Variants in EFCAB5 observed in about 807,000 individuals in gnomAD.
EFCAB5 encodes the protein EF-hand calcium binding domain 5.
EFCAB5 carries 131 observed loss-of-function variants against 167.9 expected under a neutral mutation model. That is an observed-to-expected ratio of 0.78 (90% confidence interval 0.68 to 0.90). The LOEUF (loss-of-function observed/expected upper bound fraction) is 0.90. Among genes scored for constraint, EFCAB5 ranks in the 40% least tolerant of loss-of-function variants. The probability of loss-of-function intolerance (pLI) is 0.00; values close to 1 mark genes in which losing one functional copy is unlikely to be tolerated. For missense variants in EFCAB5, 1,663 were observed against 1,745.2 expected, an observed-to-expected ratio of 0.95 and a Z score of 0.84; for synonymous variants, 574 against 602.8, an observed-to-expected ratio of 0.95 and a Z score of 0.70.
chr17:30,092,222 A>C, intron 21 of EFCAB5, 65 bp downstream of exon 21: 1 of 1,480,460 alleles, frequency 6.8e-7, no homozygotes, highest in Non-Finnish European at 9.1e-7. Context: ...TAACTGTACA[A>C]ATCATAATTG....
At chr17:29,986,636 C>CTTTTTT (rs1196821046) in intron 4 of EFCAB5, among the ~76,000 whole-genome samples, 20 of 87,936 alleles carry the variant, frequency 2.3e-4, no homozygotes, top group African/African-American at 1.0e-3. Context: ...GGAGTATATT[C>CTTTTTT]ATTTTTTTTT....
intron 8 of EFCAB5, among the ~76,000 whole-genome samples, chr17:30,038,866 T>C (rs1361748143): frequency 1.3e-5 from 2 of 152,222 alleles, no homozygotes; most frequent in African/African-American, 2.4e-5. Flanking sequence ...CATATGGGGA[T>C]ACATTCTCCT....
intron 12 of EFCAB5, among the ~76,000 whole-genome samples, chr17:30,057,181 G>T (rs2070294773): frequency 6.6e-6 from 1 of 152,080 alleles, no homozygotes; most frequent in African/African-American, 2.4e-5. Flanking sequence ...AGATTCAAAG[G>T]CTCAACAATA....
Position 29,952,303 on chromosome 17 carries a change from T to G in EFCAB5, c.190+8654T>G, listed in dbSNP as rs145080337. Among the ~76,000 whole-genome samples the G allele has an allele frequency of 3.1e-3, 470 of 152,340 alleles. 3 individuals are homozygous for G. Among genetic ancestry groups the G allele is most frequent in the Middle Eastern group, 0.02 (6 of 294 alleles). On this transcript the variant is annotated intron_variant, in intron 3 of 22. Coordinates refer to ENST00000394835, the MANE Select transcript of EFCAB5 (RefSeq NM_198529.4). The stretch of plus-strand genomic sequence containing the variant: ...AATCACTTCCCTAAAGGTACCACCT[T>G]TTAATACTATCACATTGGGTCTTAG...
intron 14 of EFCAB5, chr17:30,073,713 TGTATA>T: frequency 1.4e-6 from 1 of 714,068 alleles, no homozygotes; most frequent in Admixed American, 2.0e-5. Context: ...AAATTTTAAG[TGTATA>T]TTTGCTGAGT....
At chr17:30,015,759 C>CTTTTT (rs71138866) in intron 7 of EFCAB5, among the ~76,000 whole-genome samples, 5 of 130,566 alleles carry the variant, frequency 3.8e-5, no homozygotes, top group African/African-American at 5.7e-5. Flanking sequence ...TTGGTTATTT[C>CTTTTT]TTTTTTTTTT....
chr17:30,031,196 T>A (rs1324484665), intron 7 of EFCAB5, among the ~76,000 whole-genome samples: 1 of 152,222 alleles, frequency 6.6e-6, no homozygotes, highest in Admixed American at 6.5e-5. Context: ...ATACCCCAGA[T>A]CATGTAGTTC....
chr17:29,947,602 C>G (rs1009044433), intron 3 of EFCAB5, among the ~76,000 whole-genome samples: 2 of 152,096 alleles, frequency 1.3e-5, no homozygotes, highest in South Asian at 4.2e-4. Flanking sequence ...CTTTCCAACA[C>G]TTATTCTGTC....
chr17:29,942,274 A>G lies in EFCAB5; in HGVS notation c.77A>G (p.Asn26Ser), dbSNP rs2067310153. The G allele has an allele frequency of 6.3e-7, 1 of 1,591,790 alleles. No individual in the cohort carries two copies. The highest frequency in any genetic ancestry group is 8.6e-7 in the Non-Finnish European group (1 of 1,168,720). Reference protein sequence around the residue: ...NRKEDKERKWNLTEVKELHET... With the variant: ...NRKEDKERKWSLTEVKELHET... ...AAAGAAGACAAAGAGAGGAAATGGA[A>G]CTTAACTGAAGTGAAAGAGCTTCAT... is the stretch of plus-strand genomic sequence containing the variant. Residue 26 changes from asparagine (N) to serine (S), a missense_variant, in exon 2 of 23, where the codon AAC becomes AGC. Coordinates refer to ENST00000394835, the MANE Select transcript of EFCAB5 (RefSeq NM_198529.4).
intron 3 of EFCAB5, among the ~76,000 whole-genome samples, chr17:29,948,739 T>C (rs2067453063): frequency 6.6e-6 from 1 of 152,258 alleles, no homozygotes; most frequent in African/African-American, 2.4e-5. Context: ...CTCATTTCTT[T>C]ACCCTTGTTT....
intron 17 of EFCAB5, among the ~76,000 whole-genome samples, chr17:30,082,123 G>A (rs1159300163): frequency 6.6e-6 from 1 of 152,136 alleles, no homozygotes; most frequent in Non-Finnish European, 1.5e-5. Flanking sequence ...CACACTGTGG[G>A]TCTTGGAACC....
chr17:30,015,529 C>G (rs902993572), intron 7 of EFCAB5, among the ~76,000 whole-genome samples: 1 of 152,158 alleles, frequency 6.6e-6, no homozygotes, highest in African/African-American at 2.4e-5. Context: ...TAGAACAATG[C>G]CAGACTGTTT....
At chr17:29,941,013 C>A (rs1273830424), upstream of EFCAB5, among the ~76,000 whole-genome samples, 13 of 151,734 alleles carry the variant, frequency 8.6e-5, no homozygotes, top group East Asian at 2.1e-3. Context: ...GTACTCCAGC[C>A]CGGGCGACAG....
At chr17:30,050,836 T>C (rs2070073192) in intron 8 of EFCAB5, among the ~76,000 whole-genome samples, 1 of 152,246 alleles carries the variant, frequency 6.6e-6, no homozygotes, top group African/African-American at 2.4e-5. Context: ...AGATAAGTAC[T>C]GAACATTATA....
chr17:29,931,558 T>A (rs1166214623), intron 1 of EFCAB5, among the ~76,000 whole-genome samples: 1 of 152,182 alleles, frequency 6.6e-6, no homozygotes, highest in African/African-American at 2.4e-5. Context: ...CAGGAGTGCC[T>A]GTGAGACAAA....
intron 1 of EFCAB5, among the ~76,000 whole-genome samples, chr17:29,934,352 G>A (rs1260559751): frequency 2.6e-5 from 4 of 152,060 alleles, no homozygotes; most frequent in Non-Finnish European, 4.4e-5. Context: ...TTTGCCAATG[G>A]GAATTTCCCC....
At chr17:29,994,714 C>A (rs1458602546) in intron 5 of EFCAB5, among the ~76,000 whole-genome samples, 1 of 152,264 alleles carries the variant, frequency 6.6e-6, no homozygotes, top group East Asian at 1.9e-4. Flanking sequence ...AGTGCAAGAC[C>A]AGCCTGGCCA....
Position 30,069,367 on chromosome 17 carries a change from C to T in EFCAB5, c.2738-8848C>T, listed in dbSNP as rs959992382. 4.5e-6 allele frequency: 7 copies of T among 1,557,552 alleles called. No individual in the cohort carries two copies. The African/African-American group carries it at 8.1e-5, about 18-fold the overall frequency. On this transcript the variant is annotated intron_variant, in intron 14 of 22. Coordinates refer to ENST00000394835, the MANE Select transcript of EFCAB5 (RefSeq NM_198529.4). Reference sequence around the variant, plus strand: ...ATCAGCGACTAATTGGTGAAATGAACAGCTTGTTTGATGAAGTGAGGCAGA... The same window carrying T: ...ATCAGCGACTAATTGGTGAAATGAATAGCTTGTTTGATGAAGTGAGGCAGA...
At chr17:30,001,116 G>T (rs1174171580) in intron 7 of EFCAB5, among the ~76,000 whole-genome samples, 3 of 152,232 alleles carry the variant, frequency 2.0e-5, no homozygotes, top group African/African-American at 7.2e-5. Context: ...TTTCTGTTCT[G>T]CCTCCTGACC....
Sources: gnomAD v4.1 joint callset for allele counts (sites outside exome capture counted in the v4.1 genomes callset) on GRCh38, gnomAD v4.1.1 for gene constraint, MANE v1.5 for transcripts, NCBI Gene and HGNC (gene_info 2026-07-23, HGNC 2026-07-21) for gene names.